Variants in SMAGP observed in about 807,000 individuals in gnomAD.
SMAGP encodes small cell adhesion glycoprotein.
In SMAGP, 7 loss-of-function variants were observed where a neutral mutation model predicts 10.1. The observed-to-expected ratio is 0.70, with a 90% CI of 0.40 to 1.31. The LOEUF is 1.31. Ranked by LOEUF, SMAGP falls within the 50% of genes most tolerant of loss-of-function variation. The pLI is 0.01. For synonymous variants in SMAGP, 49 were observed against 47.2 expected, an observed-to-expected ratio of 1.04 and a Z score of -0.16; for missense variants, 113 against 116.5, an observed-to-expected ratio of 0.97 and a Z score of 0.14.
At chr12:51,264,368 T>C (rs1413676287) in intron 2 of SMAGP, among the ~76,000 whole-genome samples, 1 of 152,190 alleles carries the variant, frequency 6.6e-6, no homozygotes, top group African/African-American at 2.4e-5. Flanking sequence ...TGAGGTGGCT[T>C]GCGCCTATAA....
intron 2 of SMAGP, among the ~76,000 whole-genome samples, chr12:51,261,316 C>T (rs1485065565): frequency 2.6e-5 from 4 of 151,944 alleles, no homozygotes; most frequent in South Asian, 2.1e-4. Flanking sequence ...AGGCTGGTCT[C>T]GAACTCTTGA....
Position 51,245,965 on chromosome 12 carries a change from G to A in SMAGP, c.270C>T (p.Ser90=), listed in dbSNP as rs755109659. Residue 90 remains serine (S), a synonymous_variant, in exon 4 of 4, where the codon AGC becomes AGT. Transcript: ENST00000603798. Reference sequence around the variant, plus strand: ...ATTAGATGAAATATTCCTCTTTCTCGCTGCCCTTGGCCAAGTCACTCTCCA... The same window carrying A: ...ATTAGATGAAATATTCCTCTTTCTCACTGCCCTTGGCCAAGTCACTCTCCA... The part of the protein sequence containing the change: ...VQMESDLAKG[S]EKEEYFI 1.9e-5 allele frequency: 31 copies of A among 1,613,546 alleles called. No homozygotes were observed. In the Middle Eastern group the frequency reaches 6.6e-4, roughly 34 times the overall value.
At chr12:51,266,730 G>A (rs1372436491) in intron 2 of SMAGP, among the ~76,000 whole-genome samples, 1 of 152,204 alleles carries the variant, frequency 6.6e-6, no homozygotes, top group East Asian at 1.9e-4. Context: ...TTTTTGGAAT[G>A]AATCCCCTGT....
At position 51,246,088 on chromosome 12, in the gene SMAGP, G is replaced by C. The variant is rs781728632; in HGVS notation, c.147C>G (p.Leu49=). ...AAAAGAAGATCAAGATCACGACCGA[G>C]AGCAGGGTGAGGAAGACAACGGTGA... ...VVITVVFLTL[L]SVVILIFFYL... Residue 49 remains leucine, a synonymous_variant, in exon 4 of 4, where the codon CTC becomes CTG. Transcript: ENST00000603798. 1 of 1,613,972 alleles carries C rather than the reference G, an allele frequency of 6.2e-7. No homozygotes were observed. Among genetic ancestry groups the C allele is most frequent in the East Asian group, 2.2e-5 (1 of 44,880 alleles).
At chr12:51,258,965 G>T (rs575357007) in intron 2 of SMAGP, among the ~76,000 whole-genome samples, 1 of 139,980 alleles carries the variant, frequency 7.1e-6, no homozygotes, top group East Asian at 2.0e-4. Context: ...TGGGCAACAT[G>T]GGGAGACCCT....
rs548654358 is a variant in SMAGP at position 51,260,922 on chromosome 12, G to A, written c.34+8323C>T. On this transcript the variant is annotated intron_variant, in intron 2 of 3. Transcript: ENST00000603798. ...AGGATGGTCTCGATCTCCTGACTTC[G>A]TGATCCACCCGCCTCAGCCTCCCAA... Among the ~76,000 whole-genome samples, 4 of 151,278 alleles carry A rather than the reference G, an allele frequency of 2.6e-5. No individual in the cohort carries two copies. In the East Asian group the frequency reaches 5.9e-4, roughly 22 times the overall value.
chr12:51,250,500 G>GT (rs373705718), intron 2 of SMAGP, among the ~76,000 whole-genome samples: 391 of 87,864 alleles, frequency 4.5e-3, no homozygotes, highest in Non-Finnish European at 7.2e-3. Context: ...TTGTTGTTGT[G>GT]TTTTTTTTTT....
chr12:51,252,683 G>GCCCCCCCCCCCCCCCCC (rs1353120777), intron 2 of SMAGP, among the ~76,000 whole-genome samples: 1 of 149,752 alleles, frequency 6.7e-6, no homozygotes, highest in South Asian at 2.2e-4. Context: ...GAGCCACATC[G>GCCCCCCCCCCCCCCCCC]CCCCCCGAAG....
At chr12:51,265,433 A>G (rs529719633) in intron 2 of SMAGP, among the ~76,000 whole-genome samples, 1 of 152,356 alleles carries the variant, frequency 6.6e-6, no homozygotes, top group African/African-American at 2.4e-5. Context: ...TTATGGCAGC[A>G]TCAGTCACAA....
intron 2 of SMAGP, among the ~76,000 whole-genome samples, chr12:51,258,984 CAAAAAAAAAA>C (rs35000436): frequency 2.4e-4 from 12 of 50,982 alleles, no homozygotes; most frequent in Admixed American, 3.0e-4. Context: ...CTGTCTCTAC[CAAAAAAAAAA>C]AAAAAAAAAA....
At chr12:51,267,256 T>C (rs1382831062) in intron 2 of SMAGP, among the ~76,000 whole-genome samples, 1 of 152,172 alleles carries the variant, frequency 6.6e-6, no homozygotes, top group African/African-American at 2.4e-5. Flanking sequence ...ACCCGCTTCC[T>C]GAACATCCTC....
At chr12:51,247,457 C>T (rs1312349982) in intron 2 of SMAGP, among the ~76,000 whole-genome samples, 3 of 152,104 alleles carry the variant, frequency 2.0e-5, no homozygotes, top group Non-Finnish European at 4.4e-5. Context: ...CTCTCCTCTA[C>T]CCTAAAATAG....
intron 2 of SMAGP, among the ~76,000 whole-genome samples, chr12:51,268,067 T>C (rs547546269): frequency 2.7e-4 from 41 of 152,320 alleles, no homozygotes; most frequent in African/African-American, 9.4e-4. Flanking sequence ...CCCAGCCTGA[T>C]GATGAACTAA....
Position 51,256,661 on chromosome 12 carries a change from G to A in SMAGP, c.35-9830C>T, listed in dbSNP as rs1466850007. 7.2e-5 allele frequency among the ~76,000 whole-genome samples: 11 copies of A among 151,858 alleles called. No homozygotes were observed. The East Asian group carries it at 1.4e-3, about 19-fold the overall frequency. On this transcript the variant is annotated intron_variant, in intron 2 of 3. Transcript: ENST00000603798. ...CTTGAACCCAGGAGGCGGAGGTTGC[G>A]GCGAGCTGAGATCGTGCCATTGCAC...
chr12:51,257,760 G>C lies in SMAGP; in HGVS notation c.35-10929C>G, dbSNP rs565071057. Among the ~76,000 whole-genome samples the C allele has an allele frequency of 4.6e-4, 70 of 152,168 alleles. 2 individuals are homozygous for C. In the East Asian group the frequency reaches 0.013, roughly 28 times the overall value. On this transcript the variant is annotated intron_variant, in intron 2 of 3. Coordinates refer to ENST00000603798, the MANE Select transcript of SMAGP (RefSeq NM_001031628.2). ...GGGTTTCACCCTGTTGGCCAGGCTG[G>C]TCTCGAACTCCTGACCTCAGGTGAT... is the stretch of plus-strand genomic sequence containing the variant.
At chr12:51,246,278 A>T in intron 3 of SMAGP, 159 bp from the exon 4 acceptor site, 1 of 1,027,078 alleles carries the variant, frequency 9.7e-7, no homozygotes, top group Non-Finnish European at 1.4e-6. Flanking sequence ...CACCAACCCC[A>T]ATTTCCATGG....
At chr12:51,264,979 G>C (rs1944962664) in intron 2 of SMAGP, among the ~76,000 whole-genome samples, 1 of 146,526 alleles carries the variant, frequency 6.8e-6, no homozygotes, top group East Asian at 2.0e-4. Context: ...CTGATTCAAC[G>C]ATCAATTTTT....
rs532094850 is a variant in SMAGP, at chr12:51,265,979, A to G, written c.34+3266T>C. 4.5e-3 allele frequency among the ~76,000 whole-genome samples: 687 copies of G among 152,076 alleles called. 7 individuals are homozygous for G. The highest frequency in any genetic ancestry group is 0.015 in the African/African-American group (634 of 41,512). ...CGCCTGTAGTCCCAGCTACTCGGGA[A>G]GCTAAGACAGGAGAATGGCGTGAAC... On this transcript the variant is annotated intron_variant, in intron 2 of 3. Transcript: ENST00000603798.
At chr12:51,251,077 A>G (rs1214210897) in intron 2 of SMAGP, among the ~76,000 whole-genome samples, 1 of 152,158 alleles carries the variant, frequency 6.6e-6, no homozygotes, top group Non-Finnish European at 1.5e-5. Flanking sequence ...AGCATTGAGA[A>G]GATTAATGTA....
Sources: gnomAD v4.1 joint callset for allele counts (sites outside exome capture counted in the v4.1 genomes callset) on GRCh38, gnomAD v4.1.1 for gene constraint, MANE v1.5 for transcripts, NCBI Gene and HGNC (gene_info 2026-07-23, HGNC 2026-07-21) for gene names.